Variants in PALB2 observed in about 807,000 individuals in gnomAD.
The protein encoded by PALB2 is partner and localizer of BRCA2, also known as mutant partner and localizer of BRCA2.
In PALB2, 82 loss-of-function variants were observed where a neutral mutation model predicts 107.4. The ratio of observed to expected loss-of-function variants is 0.76; its 90% CI spans 0.64 to 0.92. The LOEUF is 0.92. Among genes scored for constraint, PALB2 ranks in the 40% least tolerant of loss-of-function variants. PALB2 has a pLI of 0.00. For synonymous variants in PALB2, 489 were observed against 496.8 expected, an observed-to-expected ratio of 0.98 and a Z score of 0.21; for missense variants, 1,374 against 1,379.9, an observed-to-expected ratio of 1.00 and a Z score of 0.07.
rs2142445830 is a variant in PALB2, at chr16:23,636,214, T to C, written c.332A>G (p.Asp111Gly). ...TTGTATAGGTAATCCTCCTGGGCCA[T>C]CTCCAGGGTTAAAGGACTCAGGCCC... ...DVGPESFNPG[D>G]GPGGLPIQRT... Residue 111 changes from aspartate to glycine, a missense_variant, in exon 4 of 13, where the codon GAT becomes GGT. Coordinates refer to ENST00000261584, the MANE Select transcript of PALB2 (RefSeq NM_024675.4). The C allele has an allele frequency of 6.2e-7, 1 of 1,613,124 alleles. No individual in the cohort carries two copies. Among genetic ancestry groups the C allele is most frequent in the East Asian group, 2.2e-5 (1 of 44,868 alleles).
rs875989792 is a variant in PALB2, at chr16:23,622,998, T to TACTTGTTG, written c.2959_2966dup (p.Glu990AsnfsTer3). 1.2e-6 allele frequency: 2 copies of TACTTGTTG among 1,614,200 alleles called. No individual in the cohort carries two copies. Among genetic ancestry groups the TACTTGTTG allele is most frequent in the Non-Finnish European group, 8.5e-7 (1 of 1,180,036 alleles). On this transcript the variant is annotated frameshift_variant, in exon 9 of 13. Transcript: ENST00000261584. LOFTEE classifies it high-confidence loss of function. ...CATCTTCTGCAAACGTCATGACTTC[T>TACTTGTTG]ACTTGTTGATCAGAAAGGGTCCCAC...
rs143808171 is a variant in PALB2 at position 23,621,414 on chromosome 16, C to T, written c.3061G>A (p.Gly1021Arg). ...ETILTFAEVQ[G>R]MQEALLGTTI... ...GTACCAAGCAGAGCTTCTTGCATCCCTTGGACCTCAGCAAAAGTTAGTATA... is the reference window on the plus strand; with the variant it reads ...GTACCAAGCAGAGCTTCTTGCATCCTTTGGACCTCAGCAAAAGTTAGTATA... The change falls in exon 10 of 13, where the codon GGG becomes AGG. Residue 1021 changes from glycine (G) to arginine (R), a missense_variant. Physicochemically the swap from Gly to Arg is moderately radical, Grantham distance 125. Transcript: ENST00000261584. 5.0e-6 allele frequency: 8 copies of T among 1,614,082 alleles called. No homozygotes were observed. The highest frequency in any genetic ancestry group is 1.3e-5 in the African/African-American group (1 of 75,028).
At chr16:23,608,823 C>CACACACACACACACACACACACACAT (rs1434556537) in intron 11 of PALB2, among the ~76,000 whole-genome samples, 1 of 148,178 alleles carries the variant, frequency 6.7e-6, no homozygotes, top group African/African-American at 2.5e-5. Context: ...CACACACACA[C>CACACACACACACACACACACACACAT]ATATATACAG....
chr16:23,640,957 A>C (rs1019544981), intron 1 of PALB2, 153 bp downstream of exon 1: 1 of 834,026 alleles, frequency 1.2e-6, no homozygotes, highest in African/African-American at 1.7e-5. Context: ...CGCTATTTCC[A>C]CATTTTCATT....
At position 23,635,058 on chromosome 16, in the gene PALB2, A is replaced by G. The variant is rs1381339723; in HGVS notation, c.1488T>C (p.Asp496=). The change falls in exon 4 of 13, where the codon GAT becomes GAC. Residue 496 remains aspartate (D), a synonymous_variant. Coordinates refer to ENST00000261584, the MANE Select transcript of PALB2 (RefSeq NM_024675.4). ...KVSSPAGPTE[D]NDLSRKAVAQ... Reference sequence around the variant, plus strand: ...CAACTGCCTTCCTAGACAAGTCATTATCTTCAGTGGGCCCAGCGGGAGAGC... The same window carrying G: ...CAACTGCCTTCCTAGACAAGTCATTGTCTTCAGTGGGCCCAGCGGGAGAGC... 1.2e-6 allele frequency: 2 copies of G among 1,614,156 alleles called. No homozygotes were observed. Among genetic ancestry groups the G allele is most frequent in the Non-Finnish European group, 8.5e-7 (1 of 1,180,022 alleles).
chr16:23,637,319 A>AG (rs1324342051), intron 3 of PALB2, among the ~76,000 whole-genome samples: 1 of 152,192 alleles, frequency 6.6e-6, no homozygotes, highest in African/African-American at 2.4e-5. Context: ...GAAAATTGAG[A>AG]GGGAAAAAGA....
At chr16:23,638,274 C>G in intron 1 of PALB2, 145 bp from the exon 2 acceptor site, 1 of 736,634 alleles carries the variant, frequency 1.4e-6, no homozygotes, top group Non-Finnish European at 2.5e-6. Context: ...TCAAAAAGCA[C>G]CAAGCTCTGA....
At position 23,630,042 on chromosome 16, in the gene PALB2, A is replaced by T. The variant is rs876659598; in HGVS notation, c.2112T>A (p.Leu704=). ...TKTGLSSSIL[L]YTPLNTVAPD... The stretch of plus-strand genomic sequence containing the variant: ...GCGCAACCGTATTTAAAGGAGTATA[A>T]AGTAATATGGATGAAGAAAGGCCCG... The change falls in exon 5 of 13, where the codon CTT becomes CTA. Residue 704 remains leucine, a synonymous_variant. Transcript: ENST00000261584. 3 of 1,614,080 alleles carry T rather than the reference A, an allele frequency of 1.9e-6. No individual in the cohort carries two copies. The highest frequency in any genetic ancestry group is 2.5e-6 in the Non-Finnish European group (3 of 1,180,022).
At chr16:23,604,450 A>T (rs1293501633) in intron 12 of PALB2, among the ~76,000 whole-genome samples, 1 of 152,258 alleles carries the variant, frequency 6.6e-6, no homozygotes, top group Non-Finnish European at 1.5e-5. Context: ...AGTGCCTGGC[A>T]CACAGGAGGT....
chr16:23,615,181 G>A (rs1466120708), intron 10 of PALB2, among the ~76,000 whole-genome samples: 3 of 143,220 alleles, frequency 2.1e-5, no homozygotes, highest in African/African-American at 5.2e-5. Flanking sequence ...ACTCCTGACC[G>A]TAGGTGATCC....
rs1060502773 is a variant in PALB2, at chr16:23,635,885, C to A, written c.661G>T (p.Val221Leu). 2 of 1,614,118 alleles carry A rather than the reference C, an allele frequency of 1.2e-6. No individual in the cohort carries two copies. The highest frequency in any genetic ancestry group is 1.7e-6 in the Non-Finnish European group (2 of 1,180,010). Reference sequence around the variant, plus strand: ...GGTTGGGCAGTTGGTGGAATTAATACACTGTCTTCATTAATTTCTGTAACT... The same window carrying A: ...GGTTGGGCAGTTGGTGGAATTAATAAACTGTCTTCATTAATTTCTGTAACT... ...EPVTEINEDS[V>L]LIPPTAQPEK... The change falls in exon 4 of 13, where the codon GTA (valine) becomes TTA (leucine). Residue 221 changes from valine (V) to leucine (L), a missense_variant. Transcript: ENST00000261584.
At chr16:23,638,982 A>C (rs563577557) in intron 1 of PALB2, among the ~76,000 whole-genome samples, 1 of 152,188 alleles carries the variant, frequency 6.6e-6, no homozygotes, top group South Asian at 2.1e-4. Context: ...ATCATTGCTC[A>C]ATCTCCAGCC....
At chr16:23,619,438 C>A (rs894977522) in intron 10 of PALB2, among the ~76,000 whole-genome samples, 1 of 152,130 alleles carries the variant, frequency 6.6e-6, no homozygotes, top group East Asian at 1.9e-4. Context: ...ACCTCTGCCT[C>A]CTAGGTTCCA....
At chr16:23,608,792 G>GTATA (rs141158117) in intron 11 of PALB2, among the ~76,000 whole-genome samples, 3 of 145,952 alleles carry the variant, frequency 2.1e-5, no homozygotes, top group East Asian at 2.0e-4. Context: ...CTGTATGTGT[G>GTATA]TATATATATA....
chr16:23,622,952 A>G lies in PALB2; in HGVS notation c.2996+17T>C, dbSNP rs180177128. 1,670 of 1,613,872 alleles carry G rather than the reference A, an allele frequency of 1.0e-3. 6 individuals are homozygous for G. Among genetic ancestry groups the G allele is most frequent in the Middle Eastern group, 5.3e-3 (32 of 6,062 alleles). ...TTCTTCATCTAATAGTTAAAAATCA[A>G]TCAATGCTTTTCTTACCCTCCATCT... On this transcript the variant is annotated intron_variant, in intron 9 of 12. Transcript: ENST00000261584.
intron 4 of PALB2, among the ~76,000 whole-genome samples, chr16:23,632,065 T>C (rs1187323964): frequency 6.6e-6 from 1 of 152,172 alleles, no homozygotes; most frequent in Non-Finnish European, 1.5e-5. Flanking sequence ...CAAACTGTGG[T>C]ATATACATAC....
In PALB2 at chr16:23,614,133, C is replaced by A. The variant is rs515726106; in HGVS notation, c.3114-42G>T. 3.1e-5 allele frequency: 44 copies of A among 1,406,984 alleles called. No individual in the cohort carries two copies. The highest frequency in any genetic ancestry group is 4.3e-5 in the Non-Finnish European group (43 of 999,310). 87.2% of individuals were successfully genotyped at this position (1,406,984 alleles called of 1,614,324 possible). On this transcript the variant is annotated intron_variant, in intron 10 of 12. Coordinates refer to ENST00000261584, the MANE Select transcript of PALB2 (RefSeq NM_024675.4). ...AAATAAGCTGATCACATTCTTCCAACAAACCAGTTTTCAGAAAATATTTTC... is the reference window on the plus strand; with the variant it reads ...AAATAAGCTGATCACATTCTTCCAAAAAACCAGTTTTCAGAAAATATTTTC...
chr16:23,626,813 G>A (rs1966843559), intron 6 of PALB2, among the ~76,000 whole-genome samples: 2 of 151,974 alleles, frequency 1.3e-5, no homozygotes, highest in Admixed American at 1.3e-4. Context: ...GTAGAGACAA[G>A]GTTTCACCAT....
At chr16:23,628,880 C>T (rs1038441594) in intron 6 of PALB2, among the ~76,000 whole-genome samples, 3 of 152,106 alleles carry the variant, frequency 2.0e-5, no homozygotes, top group Non-Finnish European at 4.4e-5. Context: ...GTGATCAGCC[C>T]GCTTCAGCCT....
Sources: gnomAD v4.1 joint callset for allele counts (sites outside exome capture counted in the v4.1 genomes callset) on GRCh38, gnomAD v4.1.1 for gene constraint, MANE v1.5 for transcripts, NCBI Gene and HGNC (gene_info 2026-07-23, HGNC 2026-07-21) for gene names.